The following TSPAN18 variants were observed in gnomAD, a reference collection of about 807,000 sequenced individuals.
TSPAN18 encodes the protein tetraspanin-18.
A neutral mutation model predicts 27.3 loss-of-function variants in TSPAN18; 14 were observed. The observed-to-expected ratio is 0.51, with a 90% CI of 0.34 to 0.80. The LOEUF (loss-of-function observed/expected upper bound fraction) is 0.80, where lower values mean the gene tolerates loss of function less well. Among genes scored for constraint, TSPAN18 ranks in the 30% least tolerant of loss-of-function variants. The probability of loss-of-function intolerance (pLI) is 0.01; values close to 1 mark genes in which losing one functional copy is unlikely to be tolerated. For synonymous variants in TSPAN18, 143 were observed against 136.5 expected, an observed-to-expected ratio of 1.05 and a Z score of -0.33; for missense variants, 268 against 323.9, an observed-to-expected ratio of 0.83 and a Z score of 1.32.
chr11:44,813,960 T>G (rs967985310), intron 2 of TSPAN18, among the ~76,000 whole-genome samples: 23 of 152,176 alleles, frequency 1.5e-4, no homozygotes, highest in Non-Finnish European at 2.9e-4. Flanking sequence ...AATGGGGCCT[T>G]GGAGATAGAT....
At chr11:44,771,883 G>A (rs996967603) in intron 2 of TSPAN18, among the ~76,000 whole-genome samples, 1 of 152,188 alleles carries the variant, frequency 6.6e-6, no homozygotes, top group Non-Finnish European at 1.5e-5. Context: ...ATACCTCCGT[G>A]GATTCTAAGA....
intron 1 of TSPAN18, among the ~76,000 whole-genome samples, chr11:44,740,732 A>G (rs1854913647): frequency 6.6e-6 from 1 of 152,188 alleles, no homozygotes; most frequent in Non-Finnish European, 1.5e-5. Context: ...GCGAGTCCGG[A>G]AAGCCTGATC....
intron 2 of TSPAN18, among the ~76,000 whole-genome samples, chr11:44,799,853 C>T (rs917537509): frequency 9.9e-5 from 15 of 151,996 alleles, no homozygotes; most frequent in South Asian, 8.3e-4. Context: ...TTTATTGAGA[C>T]GGAGTCTCGT....
At chr11:44,910,628 GCCTTCC>G (rs1859673658) in intron 5 of TSPAN18, among the ~76,000 whole-genome samples, 1 of 152,248 alleles carries the variant, frequency 6.6e-6, no homozygotes, top group Non-Finnish European at 1.5e-5. Flanking sequence ...AGTGGATGAG[GCCTTCC>G]CCTTGTAGAT....
intron 1 of TSPAN18, among the ~76,000 whole-genome samples, chr11:44,729,271 T>G (rs1160530244): frequency 6.6e-6 from 1 of 152,160 alleles, no homozygotes; most frequent in Admixed American, 6.5e-5. Flanking sequence ...AGTTTTTTTT[T>G]GTTGTGTTTT....
intron 2 of TSPAN18, among the ~76,000 whole-genome samples, chr11:44,858,537 G>A (rs1857795517): frequency 6.6e-6 from 1 of 152,186 alleles, no homozygotes; most frequent in South Asian, 2.1e-4. Context: ...GTGTGGTGTT[G>A]GGACTGGAAC....
chr11:44,891,803 AGG>A (rs1858859509), intron 3 of TSPAN18, among the ~76,000 whole-genome samples: 1 of 152,246 alleles, frequency 6.6e-6, no homozygotes, highest in Non-Finnish European at 1.5e-5. Context: ...CCTCAGGTCT[AGG>A]GGTCACTCCT....
chr11:44,773,126 A>T (rs1162770408), intron 2 of TSPAN18, among the ~76,000 whole-genome samples: 2 of 152,150 alleles, frequency 1.3e-5, no homozygotes, highest in Admixed American at 1.3e-4. Context: ...CACATTATTA[A>T]AACTCACTGG....
At chr11:44,789,233 AT>A (rs979660629) in intron 2 of TSPAN18, among the ~76,000 whole-genome samples, 11 of 152,162 alleles carry the variant, frequency 7.2e-5, no homozygotes, top group Non-Finnish European at 1.5e-5. Context: ...TGAGGTTCTT[AT>A]TTCCCAACAG....
chr11:44,926,598 C>T, intron 8 of TSPAN18, 76 bp from the exon 9 acceptor site: 2 of 1,325,064 alleles, frequency 1.5e-6, no homozygotes, highest in Non-Finnish European at 2.2e-6. Flanking sequence ...GCCATGAACC[C>T]TAGTCCACAT....
intron 5 of TSPAN18, among the ~76,000 whole-genome samples, chr11:44,912,711 T>G (rs1235947638): frequency 6.6e-6 from 1 of 152,116 alleles, no homozygotes; most frequent in Non-Finnish European, 1.5e-5. Flanking sequence ...TTGTGTTCTA[T>G]CGTGTGTGTT....
At chr11:44,857,614 T>C (rs184835012) in intron 2 of TSPAN18, among the ~76,000 whole-genome samples, 8 of 152,228 alleles carry the variant, frequency 5.3e-5, no homozygotes, top group African/African-American at 1.9e-4. Flanking sequence ...GAGTGTGGGA[T>C]CAGAAGACAG....
At chr11:44,793,251 C>T (rs1014789996) in intron 2 of TSPAN18, among the ~76,000 whole-genome samples, 2 of 152,222 alleles carry the variant, frequency 1.3e-5, no homozygotes, top group Admixed American at 6.5e-5. Flanking sequence ...TACCCCACGC[C>T]TGCTGGTCAT....
chr11:44,832,122 C>A (rs1857166819), intron 2 of TSPAN18, among the ~76,000 whole-genome samples: 2 of 152,190 alleles, frequency 1.3e-5, no homozygotes, highest in South Asian at 4.1e-4. Flanking sequence ...ACCTTCAGTT[C>A]CCTACCTATG....
intron 3 of TSPAN18, among the ~76,000 whole-genome samples, chr11:44,887,861 G>GC (rs112302254): frequency 3.9e-5 from 6 of 152,288 alleles, no homozygotes; most frequent in African/African-American, 1.4e-4. Context: ...TAGTTCCCAG[G>GC]CCCCCTTAAT....
At chr11:44,925,022 GGCC>G (rs1198447742) in intron 8 of TSPAN18, among the ~76,000 whole-genome samples, 1 of 152,216 alleles carries the variant, frequency 6.6e-6, no homozygotes, top group Non-Finnish European at 1.5e-5. Context: ...CTGATGTCCT[GGCC>G]TGGCCTGGCC....
At chr11:44,897,459 G>A (rs537760883) in intron 3 of TSPAN18, among the ~76,000 whole-genome samples, 19 of 152,288 alleles carry the variant, frequency 1.2e-4, no homozygotes, top group African/African-American at 3.4e-4. Flanking sequence ...ATGTGCAGCC[G>A]TGTCAGCATA....
intron 1 of TSPAN18, among the ~76,000 whole-genome samples, chr11:44,755,817 G>A (rs1159762298): frequency 6.6e-6 from 1 of 152,102 alleles, no homozygotes; most frequent in African/African-American, 2.4e-5. Context: ...GCTCCTTCTT[G>A]GGGCATAAGG....
intron 6 of TSPAN18, among the ~76,000 whole-genome samples, chr11:44,918,531 G>A (rs574189526): frequency 8.7e-4 from 132 of 151,804 alleles, no homozygotes; most frequent in Non-Finnish European, 1.5e-3. Context: ...ATAGCCAAAG[G>A]GAGACTGGGG....
Sources: gnomAD v4.1 joint callset for allele counts (sites outside exome capture counted in the v4.1 genomes callset) on GRCh38, gnomAD v4.1.1 for gene constraint, MANE v1.5 for transcripts, NCBI Gene and HGNC (gene_info 2026-07-23, HGNC 2026-07-21) for gene names.